NFKB1: variants seen among roughly 807,000 people sequenced by gnomAD.
NFKB1 encodes nuclear factor kappa B subunit 1, also known as nuclear factor NF-kappa-B p105 subunit.
Under a neutral mutation model 105.1 loss-of-function variants are expected in NFKB1, and 9 were observed. The observed-to-expected ratio is 0.09, with a 90% CI of 0.05 to 0.15. NFKB1 has a LOEUF of 0.15. Among genes scored for constraint, NFKB1 ranks in the 10% least tolerant of loss-of-function variants. The probability of loss-of-function intolerance (pLI) is 1.00; values close to 1 mark genes in which losing one functional copy is unlikely to be tolerated. For synonymous variants in NFKB1, 440 were observed against 442.2 expected, an observed-to-expected ratio of 1.00 and a Z score of 0.06; for missense variants, 830 against 1,203.7, an observed-to-expected ratio of 0.69 and a Z score of 4.59.
At chr4:102,551,389 T>C (rs1338200150) in intron 5 of NFKB1, among the ~76,000 whole-genome samples, 1 of 147,880 alleles carries the variant, frequency 6.8e-6, no homozygotes, top group East Asian at 1.9e-4. Flanking sequence ...TGTGTGTGTG[T>C]GTGTGTGTTG....
intron 1 of NFKB1, among the ~76,000 whole-genome samples, chr4:102,505,723 T>A (rs548286916): frequency 6.6e-6 from 1 of 152,224 alleles, no homozygotes; most frequent in South Asian, 2.1e-4. Flanking sequence ...GAAAAAGCTG[T>A]TTGAGAGAAT....
At chr4:102,579,115 G>A in intron 8 of NFKB1, 76 bp downstream of exon 8, 1 of 1,446,704 alleles carries the variant, frequency 6.9e-7, no homozygotes, top group Non-Finnish European at 9.4e-7. Context: ...CTTGCTAGCT[G>A]AGTCCTGGGG....
intron 1 of NFKB1, among the ~76,000 whole-genome samples, chr4:102,503,945 T>C (rs1375722334): frequency 6.6e-6 from 1 of 152,196 alleles, no homozygotes; most frequent in East Asian, 1.9e-4. Flanking sequence ...TTGTGGTAGA[T>C]ACGAGGTCTA....
intron 5 of NFKB1, among the ~76,000 whole-genome samples, chr4:102,551,374 G>GCA (rs1722590359): frequency 2.7e-5 from 4 of 150,568 alleles, no homozygotes; most frequent in African/African-American, 4.9e-5. Context: ...GTGTGCGCGC[G>GCA]CGCATGTGTG....
intron 5 of NFKB1, among the ~76,000 whole-genome samples, chr4:102,549,753 C>T (rs1216272440): frequency 6.6e-6 from 1 of 152,126 alleles, no homozygotes; most frequent in Non-Finnish European, 1.5e-5. Flanking sequence ...TTGCTCCATC[C>T]TTCCAGTTGT....
In NFKB1 at chr4:102,616,616, C is replaced by T. The variant is rs756096899; in HGVS notation, c.*22C>T. The T allele has an allele frequency of 6.2e-7, 1 of 1,609,442 alleles. No individual in the cohort carries two copies. The highest frequency in any genetic ancestry group is 1.3e-5 in the African/African-American group (1 of 74,948). The stretch of plus-strand genomic sequence containing the variant: ...TTAGCCTGCTGACAATTTCCCACAC[C>T]GTGTAAACCAAAGCCCTAAAATTCC... On this transcript the variant is annotated 3_prime_UTR_variant, in exon 24 of 24. Transcript: ENST00000226574.
At chr4:102,607,105 A>C (rs763628351) in intron 17 of NFKB1, 45 bp from the exon 18 acceptor site, 1 of 1,602,040 alleles carries the variant, frequency 6.2e-7, no homozygotes, top group Non-Finnish European at 8.6e-7. Flanking sequence ...CCATCTTGTG[A>C]GTTAGCCATC....
At chr4:102,595,094 A>T (rs962758038) in intron 13 of NFKB1, 113 bp downstream of exon 13, 1 of 618,298 alleles carries the variant, frequency 1.6e-6, no homozygotes, top group South Asian at 2.4e-5. Flanking sequence ...CAAATAATTG[A>T]TGAATGCAAA....
intron 5 of NFKB1, among the ~76,000 whole-genome samples, chr4:102,564,160 G>A (rs1048831153): frequency 2.6e-5 from 4 of 151,810 alleles, no homozygotes; most frequent in Non-Finnish European, 4.4e-5. Context: ...ATGTTCAGAC[G>A]CTTTGAAAAA....
At chr4:102,510,907 A>G in intron 1 of NFKB1, 2 of 1,283,006 alleles carry the variant, frequency 1.6e-6, no homozygotes, top group Non-Finnish European at 2.0e-6. Flanking sequence ...ACATCAAGAA[A>G]AAAGACAGAA....
chr4:102,555,938 A>C (rs1285449650), intron 5 of NFKB1, among the ~76,000 whole-genome samples: 1 of 152,214 alleles, frequency 6.6e-6, no homozygotes, highest in Non-Finnish European at 1.5e-5. Context: ...AAAGGCCCAG[A>C]GACACTAGTT....
rs1016888177 is a variant in NFKB1 at position 102,514,030 on chromosome 4, C to G, written c.-7-11482C>G. Reference sequence around the variant, plus strand: ...CTACTAAAAAAATACAAAAACTTAGCCAGGCGTTGTGGTGGGCGCCTGTAG... The same window carrying G: ...CTACTAAAAAAATACAAAAACTTAGGCAGGCGTTGTGGTGGGCGCCTGTAG... On this transcript the variant is annotated intron_variant, in intron 1 of 23. Coordinates refer to ENST00000226574, the MANE Select transcript of NFKB1 (RefSeq NM_003998.4). Among the ~76,000 whole-genome samples the G allele has an allele frequency of 6.6e-5, 10 of 151,840 alleles. 1 individual carries two copies. The South Asian group carries it at 1.5e-3, about 22-fold the overall frequency.
At chr4:102,530,461 C>T (rs1003611412) in intron 3 of NFKB1, among the ~76,000 whole-genome samples, 4 of 151,962 alleles carry the variant, frequency 2.6e-5, no homozygotes, top group African/African-American at 7.2e-5. Context: ...TGTTTAATTT[C>T]GTAAGAGTAA....
chr4:102,595,567 A>G (rs1726541972), intron 13 of NFKB1, among the ~76,000 whole-genome samples: 1 of 152,250 alleles, frequency 6.6e-6, no homozygotes, highest in Non-Finnish European at 1.5e-5. Flanking sequence ...CATTTTGCAC[A>G]CAAAAGGCAT....
Position 102,612,128 on chromosome 4 carries a change from C to A in NFKB1, c.2419+18C>A, listed in dbSNP as rs1298351748. ...AGCACAAGGTGGGTTGTGATAAAAC[C>A]AGATTCTCTTAACCATTATTATCTC... is the stretch of plus-strand genomic sequence containing the variant. On this transcript the variant is annotated intron_variant, in intron 21 of 23. Coordinates refer to ENST00000226574, the MANE Select transcript of NFKB1 (RefSeq NM_003998.4). The A allele has an allele frequency of 6.2e-7, 1 of 1,604,838 alleles. No individual in the cohort carries two copies. The highest frequency in any genetic ancestry group is 1.7e-5 in the Admixed American group (1 of 59,988).
At chr4:102,541,316 G>A (rs1741984121) in intron 5 of NFKB1, among the ~76,000 whole-genome samples, 1 of 75,592 alleles carries the variant, frequency 1.3e-5, no homozygotes, top group Admixed American at 1.0e-4. Context: ...GTCTCGCATA[G>A]ATTACGTAGA....
intron 5 of NFKB1, among the ~76,000 whole-genome samples, chr4:102,540,662 G>T (rs4648009): frequency 0.036 from 5,475 of 152,144 alleles, 222 homozygotes; most frequent in African/African-American, 0.1. Flanking sequence ...GCTTGTCATT[G>T]TTCACTGAAA....
intron 1 of NFKB1, among the ~76,000 whole-genome samples, chr4:102,504,252 A>G (rs994183158): frequency 5.3e-5 from 8 of 152,194 alleles, no homozygotes; most frequent in Non-Finnish European, 1.2e-4. Context: ...TATTCTGAGT[A>G]TAGAATTGAC....
At chr4:102,554,513 C>A (rs1245278039) in intron 5 of NFKB1, among the ~76,000 whole-genome samples, 1 of 152,108 alleles carries the variant, frequency 6.6e-6, no homozygotes, top group Non-Finnish European at 1.5e-5. Flanking sequence ...GCTGTCATCC[C>A]TGTTGTTTTC....
Sources: allele counts gnomAD v4.1 joint callset (sites outside exome capture counted in the v4.1 genomes callset), GRCh38; gene constraint gnomAD v4.1.1; transcripts MANE v1.5; gene names NCBI Gene and HGNC (gene_info 2026-07-23, HGNC 2026-07-21).